Variants in KATNBL1 observed in about 807,000 individuals in gnomAD.
KATNBL1 encodes katanin regulatory subunit B1 like 1.
Under a neutral mutation model 44.7 loss-of-function variants are expected in KATNBL1, and 28 were observed. The observed-to-expected ratio is 0.63, with a 90% CI of 0.46 to 0.86. The LOEUF (loss-of-function observed/expected upper bound fraction) is 0.86, where lower values mean the gene tolerates loss of function less well. Ranked by LOEUF, KATNBL1 falls within the 40% of genes least tolerant of loss-of-function variation. The pLI, the probability that KATNBL1 is intolerant of heterozygous loss-of-function variation, is 0.00. For missense variants in KATNBL1, 272 were observed against 350.7 expected (o/e 0.78, Z 1.79); for synonymous variants, 78 against 114.9 (o/e 0.68, Z 2.06).
intron 1 of KATNBL1, among the ~76,000 whole-genome samples, chr15:34,193,832 A>G (rs1302085924): frequency 7.5e-6 from 1 of 133,370 alleles, no homozygotes; most frequent in African/African-American, 3.0e-5. Context: ...AGCGTGGGTG[A>G]CAGAGAAAGG....
intron 1 of KATNBL1, chr15:34,199,789 C>A (rs1255663184): frequency 6.6e-6 from 1 of 152,068 alleles, no homozygotes; most frequent in Non-Finnish European, 1.5e-5. Context: ...AAAGGTGATG[C>A]GGACCCAAAC....
At chr15:34,183,234 G>A (rs1439121067) in intron 1 of KATNBL1, among the ~76,000 whole-genome samples, 1 of 152,182 alleles carries the variant, frequency 6.6e-6, no homozygotes, top group Non-Finnish European at 1.5e-5. Context: ...GTCTGACCCT[G>A]CAGACTGGGG....
At chr15:34,161,781 A>C (rs553818663) in intron 2 of KATNBL1, among the ~76,000 whole-genome samples, 15 of 152,304 alleles carry the variant, frequency 9.8e-5, no homozygotes, top group African/African-American at 3.4e-4. Context: ...AGGACAGAGC[A>C]GGTGACTAAG....
chr15:34,199,142 G>T (rs1332965773), intron 1 of KATNBL1, among the ~76,000 whole-genome samples: 1 of 152,116 alleles, frequency 6.6e-6, no homozygotes, highest in Non-Finnish European at 1.5e-5. Flanking sequence ...TTCCTATTAA[G>T]AAAACAGATT....
chr15:34,181,856 C>T lies in KATNBL1; in HGVS notation c.-14-18166G>A, dbSNP rs1479389097. On this transcript the variant is annotated intron_variant, in intron 1 of 9. Transcript: ENST00000256544. ...CATATATATACACATATATATAGTCCATATATATATATCCATATATATATA... is the reference window on the plus strand; with the variant it reads ...CATATATATACACATATATATAGTCTATATATATATATCCATATATATATA... 4.8e-4 allele frequency among the ~76,000 whole-genome samples: 9 copies of T among 18,722 alleles called. 1 individual carries two copies. The highest frequency in any genetic ancestry group is 2.0e-3 in the South Asian group (1 of 512). 12.3% of individuals were successfully genotyped at this position (18,722 alleles called of 152,430 possible). A position where few individuals can be genotyped will look rare whatever the true frequency, so the allele number is the denominator to read the frequency against.
chr15:34,159,641 G>A (rs1430521295), intron 2 of KATNBL1, among the ~76,000 whole-genome samples: 1 of 152,100 alleles, frequency 6.6e-6, no homozygotes, highest in African/African-American at 2.4e-5. Flanking sequence ...AACCTTCCTT[G>A]ATTCCCATCT....
At chr15:34,148,225 G>A (rs1265163102) in intron 5 of KATNBL1, among the ~76,000 whole-genome samples, 1 of 152,140 alleles carries the variant, frequency 6.6e-6, no homozygotes, top group Non-Finnish European at 1.5e-5. Flanking sequence ...TGACAGTCAG[G>A]AAAGGTAACA....
rs1433412869 is a variant in KATNBL1 at position 34,167,693 on chromosome 15, A to C, written c.-14-4003T>G. ...AGGGAAAAATGTTAAGGGCAGCCAG[A>C]GAGAAAGGTCAGGTTACCCACAAAG... On this transcript the variant is annotated intron_variant, in intron 1 of 9. Coordinates refer to ENST00000256544, the MANE Select transcript of KATNBL1 (RefSeq NM_024713.3). Among the ~76,000 whole-genome samples the C allele has an allele frequency of 2.6e-5, 4 of 152,236 alleles. No individual in the cohort carries two copies. The South Asian group carries it at 8.3e-4, about 32-fold the overall frequency.
Position 34,188,137 on chromosome 15 carries a change from TAAAAAAAAAAAAAA to T in KATNBL1, c.-15+21800_-15+21813del, listed in dbSNP as rs1201268078. Among the ~76,000 whole-genome samples, 26 of 22,088 alleles carry T rather than the reference TAAAAAAAAAAAAAA, an allele frequency of 1.2e-3. 3 individuals carry two copies. The East Asian group carries it at 0.015, about 13-fold the overall frequency. The allele number at this position is 22,088 out of a possible 152,430, so 14.5% of individuals were successfully genotyped here. A position where few individuals can be genotyped will look rare whatever the true frequency, so the allele number is the denominator to read the frequency against. On this transcript the variant is annotated intron_variant, in intron 1 of 9. Coordinates refer to ENST00000256544, the MANE Select transcript of KATNBL1 (RefSeq NM_024713.3). ...CTGGGTGACAGAGGAAGACGCCATG[TAAAAAAAAAAAAAA>T]AAAAAAAAAAAAAAGAAAATTCACA... is the stretch of plus-strand genomic sequence containing the variant.
chr15:34,161,254 T>A lies in KATNBL1; in HGVS notation c.117+2306A>T, dbSNP rs540669473. 1.4e-4 allele frequency among the ~76,000 whole-genome samples: 22 copies of A among 152,326 alleles called. 1 individual carries two copies. The highest frequency in any genetic ancestry group is 1.0e-3 in the Admixed American group (16 of 15,302). On this transcript the variant is annotated intron_variant, in intron 2 of 9. Transcript: ENST00000256544. ...AGGGTTACCTGGTATGTGATTATTTTTTTTCCCCCAAGTTGTTGGTCTGTT... is the reference window on the plus strand; with the variant it reads ...AGGGTTACCTGGTATGTGATTATTTATTTTCCCCCAAGTTGTTGGTCTGTT...
chr15:34,143,004 C>A, intron 9 of KATNBL1: 2 of 1,215,678 alleles, frequency 1.6e-6, no homozygotes, highest in African/African-American at 1.6e-5. Flanking sequence ...GCCACCTTGC[C>A]CGGCCCTCTT....
intron 1 of KATNBL1, among the ~76,000 whole-genome samples, chr15:34,181,228 A>G (rs1473091953): frequency 6.6e-6 from 1 of 152,154 alleles, no homozygotes; most frequent in Non-Finnish European, 1.5e-5. Flanking sequence ...ATATATTAAA[A>G]AGGCCCTAAG....
intron 1 of KATNBL1, among the ~76,000 whole-genome samples, chr15:34,166,676 C>T (rs910196964): frequency 2.0e-5 from 3 of 152,234 alleles, no homozygotes; most frequent in Non-Finnish European, 2.9e-5. Flanking sequence ...CTGGGAGACA[C>T]CTCCTAGTAG....
intron 1 of KATNBL1, among the ~76,000 whole-genome samples, chr15:34,187,281 C>T (rs1282183517): frequency 6.6e-6 from 1 of 152,214 alleles, no homozygotes; most frequent in Non-Finnish European, 1.5e-5. Context: ...AGGGCCTCTT[C>T]TCTGCTAAGA....
intron 1 of KATNBL1, among the ~76,000 whole-genome samples, chr15:34,172,754 G>A (rs980101014): frequency 4.9e-5 from 4 of 81,626 alleles, no homozygotes; most frequent in African/African-American, 9.5e-5. Flanking sequence ...TAGACACACA[G>A]ACACAGACAC....
intron 1 of KATNBL1, among the ~76,000 whole-genome samples, chr15:34,171,546 G>A (rs1345173826): frequency 6.6e-6 from 1 of 152,178 alleles, no homozygotes; most frequent in East Asian, 1.9e-4. Context: ...CAAGGATCTA[G>A]AACTAGAAAT....
At position 34,176,571 on chromosome 15, in the gene KATNBL1, T is replaced by C. The variant is rs184672360; in HGVS notation, c.-14-12881A>G. On this transcript the variant is annotated intron_variant, in intron 1 of 9. Coordinates refer to ENST00000256544, the MANE Select transcript of KATNBL1 (RefSeq NM_024713.3). ...GGATGGGAGTGGGAATAATTGTATA[T>C]ATAGGCACAAGGTTTCTTTTTGGGA... Among the ~76,000 whole-genome samples the C allele has an allele frequency of 4.0e-3, 611 of 152,302 alleles. 6 individuals are homozygous for C. The highest frequency in any genetic ancestry group is 0.014 in the African/African-American group (585 of 41,574).
intron 1 of KATNBL1, among the ~76,000 whole-genome samples, chr15:34,167,842 T>C (rs1889029362): frequency 6.6e-6 from 1 of 152,078 alleles, no homozygotes; most frequent in Non-Finnish European, 1.5e-5. Context: ...CAAACTAAGC[T>C]TCATAAGTGA....
At chr15:34,152,009 C>G (rs189504655) in intron 4 of KATNBL1, among the ~76,000 whole-genome samples, 1 of 147,886 alleles carries the variant, frequency 6.8e-6, no homozygotes, top group Admixed American at 6.7e-5. Context: ...GGAATGATCG[C>G]GGCTCACTGC....
Sources: gnomAD v4.1 joint callset for allele counts (sites outside exome capture counted in the v4.1 genomes callset) on GRCh38, gnomAD v4.1.1 for gene constraint, MANE v1.5 for transcripts, NCBI Gene and HGNC (gene_info 2026-07-23, HGNC 2026-07-21) for gene names.